MTUS1: variants seen among roughly 807,000 people sequenced by gnomAD.
MTUS1 encodes microtubule-associated tumor suppressor 1.
In MTUS1, 109 loss-of-function variants were observed where a neutral mutation model predicts 120.8. The ratio of observed to expected loss-of-function variants is 0.90; its 90% CI spans 0.77 to 1.06. The LOEUF (loss-of-function observed/expected upper bound fraction) is 1.06, where lower values mean the gene tolerates loss of function less well. MTUS1 is among the 50% of genes least tolerant of loss of function. The pLI is 0.00. For missense variants in MTUS1, 2,210 were observed against 1,486.3 expected, an observed-to-expected ratio of 1.49 and a Z score of -8.01; for synonymous variants, 737 against 550.5, an observed-to-expected ratio of 1.34 and a Z score of -4.74.
intron 4 of MTUS1, chr8:17,722,439 C>T: frequency 2.0e-6 from 2 of 985,342 alleles, no homozygotes; most frequent in South Asian, 4.7e-5. Context: ...ATTCAGAGTT[C>T]CCTCTTACAT....
At chr8:17,770,839 A>C (rs1394423570) in intron 1 of MTUS1, among the ~76,000 whole-genome samples, 1 of 152,188 alleles carries the variant, frequency 6.6e-6, no homozygotes, top group African/African-American at 2.4e-5. Context: ...AAACAAACAA[A>C]AACATGACAA....
intron 2 of MTUS1, among the ~76,000 whole-genome samples, chr8:17,753,440 A>G (rs1012883598): frequency 6.6e-6 from 1 of 152,208 alleles, no homozygotes; most frequent in Non-Finnish European, 1.5e-5. Context: ...TTATACTAAA[A>G]TATTAAAGTA....
chr8:17,698,895 C>T (rs1224538604), intron 6 of MTUS1, among the ~76,000 whole-genome samples: 1 of 152,088 alleles, frequency 6.6e-6, no homozygotes, highest in Non-Finnish European at 1.5e-5. Flanking sequence ...GCTAAATGAT[C>T]AAGGAATTAA....
chr8:17,693,402 G>T (rs566655540), intron 6 of MTUS1: 3 of 152,182 alleles, frequency 2.0e-5, no homozygotes, highest in South Asian at 4.2e-4. Flanking sequence ...CCAACAACAC[G>T]CTTTGCCAGT....
At chr8:17,698,665 G>C (rs1229976737) in intron 6 of MTUS1, among the ~76,000 whole-genome samples, 3 of 151,962 alleles carry the variant, frequency 2.0e-5, no homozygotes, top group Non-Finnish European at 4.4e-5. Flanking sequence ...TATAGAGTAG[G>C]GTATGAAGCA....
chr8:17,710,630 T>C (rs773153596), intron 6 of MTUS1, among the ~76,000 whole-genome samples: 6 of 152,338 alleles, frequency 3.9e-5, no homozygotes, highest in Admixed American at 6.5e-5. Flanking sequence ...CCTATTCACG[T>C]TGGTGCTCTG....
chr8:17,661,876 C>T (rs1009611828), intron 8 of MTUS1, among the ~76,000 whole-genome samples: 1 of 152,186 alleles, frequency 6.6e-6, no homozygotes, highest in African/African-American at 2.4e-5. Context: ...TGGGGAACAG[C>T]TGGGCTGCAG....
At chr8:17,724,568 T>G (rs1479959194) in intron 3 of MTUS1, among the ~76,000 whole-genome samples, 1 of 152,206 alleles carries the variant, frequency 6.6e-6, no homozygotes, top group African/African-American at 2.4e-5. Flanking sequence ...TCACTCCAAC[T>G]TGCAACTCTT....
At chr8:17,791,872 G>A (rs1251494822) in intron 1 of MTUS1, among the ~76,000 whole-genome samples, 1 of 152,156 alleles carries the variant, frequency 6.6e-6, no homozygotes, top group African/African-American at 2.4e-5. Flanking sequence ...GACTAAGGAA[G>A]GTTATTAGCA....
intron 1 of MTUS1, among the ~76,000 whole-genome samples, chr8:17,800,397 TCAAA>T (rs1586484768): frequency 6.6e-6 from 1 of 152,100 alleles, no homozygotes; most frequent in Non-Finnish European, 1.5e-5. Context: ...ACTGACTACT[TCAAA>T]CAAACAGTAT....
In MTUS1 at chr8:17,674,718, C is replaced by G. The variant is rs540779992; in HGVS notation, c.2905+468G>C. ...TCCAAATAGTAAGATTAGCATAGAA[C>G]GTGCCTTTTTCAGCCAAGTTGCCTT... On this transcript the variant is annotated intron_variant, in intron 8 of 14. Coordinates refer to ENST00000693296, the MANE Select transcript of MTUS1 (RefSeq NM_001363059.2). 72 of 994,928 alleles carry G rather than the reference C, an allele frequency of 7.2e-5. No individual in the cohort carries two copies. In the African/African-American group the frequency reaches 1.2e-3, roughly 17 times the overall value. The allele number at this position is 994,928 out of a possible 1,614,324, so 61.6% of individuals were successfully genotyped here. A position where few individuals can be genotyped will look rare whatever the true frequency, so the allele number is the denominator to read the frequency against.
chr8:17,670,948 C>G (rs1811893963), intron 8 of MTUS1, among the ~76,000 whole-genome samples: 1 of 152,048 alleles, frequency 6.6e-6, no homozygotes, highest in South Asian at 2.1e-4. Context: ...CAGACAAAAC[C>G]TTTGATAATA....
At chr8:17,783,552 C>T (rs954950090) in intron 1 of MTUS1, among the ~76,000 whole-genome samples, 3 of 151,948 alleles carry the variant, frequency 2.0e-5, no homozygotes, top group Non-Finnish European at 4.4e-5. Flanking sequence ...ATATGCAATG[C>T]GCATGCTGTT....
chr8:17,735,344 A>G (rs1481113929), intron 3 of MTUS1, among the ~76,000 whole-genome samples: 1 of 152,032 alleles, frequency 6.6e-6, no homozygotes, highest in East Asian at 1.9e-4. Flanking sequence ...GTTCACACCA[A>G]CAGAAGTGGC....
rs1188297321 is a variant in MTUS1 at position 17,769,044 on chromosome 8, T to A, written c.-154-13083A>T. On this transcript the variant is annotated intron_variant, in intron 1 of 14. Transcript: ENST00000693296. The stretch of plus-strand genomic sequence containing the variant: ...TCTTAGATAACTCACACTATGCAAT[T>A]AAAAAGCCTCTGCTTGGGGGTGGAG... Among the ~76,000 whole-genome samples the A allele has an allele frequency of 2.6e-5, 4 of 151,976 alleles. No homozygotes were observed. In the East Asian group the frequency reaches 7.7e-4, roughly 29 times the overall value.
chr8:17,653,491 C>T lies in MTUS1; in HGVS notation c.3222G>A (p.Lys1074=), dbSNP rs1424345086. 6.2e-7 allele frequency: 1 copy of T among 1,608,466 alleles called. No individual in the cohort carries two copies. Among genetic ancestry groups the T allele is most frequent in the South Asian group, 1.1e-5 (1 of 89,822 alleles). The part of the protein sequence containing the change: ...KAYEASLSEI[K]KGHEIEKKSL... ...ATTTCTTTTCTATTTCATGGCCTTT[C>T]TTAATTTCTGGGAAAATAAACGGAT... Residue 1074 remains lysine, a synonymous_variant, in exon 11 of 15, where the codon AAG becomes AAA. Coordinates refer to ENST00000693296, the MANE Select transcript of MTUS1 (RefSeq NM_001363059.2).
At chr8:17,721,708 C>A in intron 4 of MTUS1, 1 of 1,548,292 alleles carries the variant, frequency 6.5e-7, no homozygotes, top group Non-Finnish European at 8.7e-7. Context: ...AATCGTCGAC[C>A]TACTTTTTTT....
At chr8:17,756,044 G>T in intron 1 of MTUS1, 83 bp from the exon 2 acceptor site, 1 of 732,712 alleles carries the variant, frequency 1.4e-6, no homozygotes, top group Non-Finnish European at 2.0e-6. Context: ...TAAGTGATTA[G>T]TTTCAATCAC....
At chr8:17,752,863 G>A (rs920222234) in intron 2 of MTUS1, among the ~76,000 whole-genome samples, 1 of 152,116 alleles carries the variant, frequency 6.6e-6, no homozygotes, top group East Asian at 1.9e-4. Flanking sequence ...ATAGGGCTGA[G>A]GACACATGCC....
Sources: allele counts gnomAD v4.1 joint callset (sites outside exome capture counted in the v4.1 genomes callset), GRCh38; gene constraint gnomAD v4.1.1; transcripts MANE v1.5; gene names NCBI Gene and HGNC (gene_info 2026-07-23, HGNC 2026-07-21).